The following UBP1 variants were observed in gnomAD, a reference collection of about 807,000 sequenced individuals.
The protein encoded by UBP1 is upstream-binding protein 1.
Under a neutral mutation model 76.1 loss-of-function variants are expected in UBP1, and 22 were observed. The ratio of observed to expected loss-of-function variants is 0.29; its 90% CI spans 0.21 to 0.41. UBP1 has a LOEUF of 0.41. UBP1 is among the 10% of genes least tolerant of loss of function. The pLI, the probability that UBP1 is intolerant of heterozygous loss-of-function variation, is 1.00. For missense variants in UBP1, 436 were observed against 668.1 expected, an observed-to-expected ratio of 0.65 and a Z score of 3.83; for synonymous variants, 224 against 237.1, an observed-to-expected ratio of 0.94 and a Z score of 0.51.
rs548267046 is a variant in UBP1, at chr3:33,418,150, C to T, written c.266-1316G>A. Among the ~76,000 whole-genome samples, 10 of 152,192 alleles carry T rather than the reference C, an allele frequency of 6.6e-5. No individual in the cohort carries two copies. In the South Asian group the frequency reaches 1.7e-3, roughly 25 times the overall value. On this transcript the variant is annotated intron_variant, in intron 2 of 15. Coordinates refer to ENST00000283629, the MANE Select transcript of UBP1 (RefSeq NM_014517.5). ...GAAGAATATAAAGTTTTGAAAAATA[C>T]ACCATTTATGTTTAAAATTACACTC... is the stretch of plus-strand genomic sequence containing the variant.
intron 5 of UBP1, among the ~76,000 whole-genome samples, chr3:33,411,017 G>A (rs1175748238): frequency 6.6e-6 from 1 of 150,492 alleles, no homozygotes; most frequent in African/African-American, 2.5e-5. Context: ...AGATTGCAGT[G>A]AGCCGAGATC....
At chr3:33,395,808 TAAGCTGCCA>T (rs2043967977) in intron 13 of UBP1, among the ~76,000 whole-genome samples, 1 of 146,214 alleles carries the variant, frequency 6.8e-6, no homozygotes, top group Non-Finnish European at 1.5e-5. Flanking sequence ...GCTTTTTTGT[TAAGCTGCCA>T]GTGTTATATT....
At chr3:33,392,692 A>G (rs2043816244) in intron 14 of UBP1, 78 bp from the exon 15 acceptor site, 1 of 1,368,000 alleles carries the variant, frequency 7.3e-7, no homozygotes, top group Non-Finnish European at 1.0e-6. Context: ...AACAGTAAAT[A>G]TTCTTCTCAA....
Position 33,440,130 on chromosome 3 carries a change from G to A in UBP1, c.-282C>T, listed in dbSNP as rs1203395228. ...GCCGGCGCCGCCGCCCAGCCCCCGC[G>A]CCGCTAGCGCTGCAGCCGCCGCCGA... is the stretch of plus-strand genomic sequence containing the variant. On this transcript the variant is annotated 5_prime_UTR_variant, in exon 1 of 16. Coordinates refer to ENST00000283629, the MANE Select transcript of UBP1 (RefSeq NM_014517.5). 4 of 229,044 alleles carry A rather than the reference G, an allele frequency of 1.7e-5. No individual in the cohort carries two copies. The highest frequency in any genetic ancestry group is 3.4e-5 in the Non-Finnish European group (4 of 118,968). The allele number at this position is 229,044 out of a possible 1,614,324, so 14.2% of individuals were successfully genotyped here.
chr3:33,404,160 C>A (rs2044349732), intron 8 of UBP1, among the ~76,000 whole-genome samples: 1 of 152,106 alleles, frequency 6.6e-6, no homozygotes, highest in South Asian at 2.1e-4. Flanking sequence ...CGCCTGTAAT[C>A]CCAGCACTCT....
At position 33,431,559 on chromosome 3, in the gene UBP1, AAC is replaced by A. The variant is rs1423602022; in HGVS notation, c.114-5820_114-5819del. ...AAGACCAGCCTATCCAATATGGTGAAACCCTGTCTCTACTAAAAAACTACAAA... is the reference window on the plus strand; with the variant it reads ...AAGACCAGCCTATCCAATATGGTGAACCTGTCTCTACTAAAAAACTACAAA... On this transcript the variant is annotated intron_variant, in intron 1 of 15. Transcript: ENST00000283629. Among the ~76,000 whole-genome samples the A allele has an allele frequency of 3.9e-5, 6 of 152,136 alleles. 1 individual carries two copies. The highest frequency in any genetic ancestry group is 1.4e-4 in the African/African-American group (6 of 41,506).
intron 13 of UBP1, among the ~76,000 whole-genome samples, chr3:33,394,225 T>TTATTAC (rs1216478597): frequency 6.9e-6 from 1 of 144,802 alleles, no homozygotes; most frequent in Admixed American, 7.1e-5. Context: ...ATTATTATTA[T>TTATTAC]TTGTAGAGAC....
Position 33,416,824 on chromosome 3 carries a change from A to G in UBP1, c.276T>C (p.Tyr92=), listed in dbSNP as rs377750617. The change falls in exon 3 of 16, where the codon TAT becomes TAC. Residue 92 remains tyrosine (Y), a synonymous_variant. Coordinates refer to ENST00000283629, the MANE Select transcript of UBP1 (RefSeq NM_014517.5). ...TCCGATTATCCAGCATCCGAATTTC[A>G]TATGACTGACCTATTTAAAGAAATT... ...TLTYLNQGQS[Y]EIRMLDNRKM... is the part of the protein sequence containing the mutation. 3.7e-6 allele frequency: 6 copies of G among 1,613,414 alleles called. No individual in the cohort carries two copies. The highest frequency in any genetic ancestry group is 1.7e-4 in the Middle Eastern group (1 of 6,054).
intron 13 of UBP1, among the ~76,000 whole-genome samples, chr3:33,395,767 A>AG (rs2043961302): frequency 7.1e-6 from 1 of 141,686 alleles, no homozygotes; most frequent in Non-Finnish European, 1.5e-5. Context: ...AAAAAAAAAA[A>AG]AAAAAAGAAA....
chr3:33,404,794 A>C (rs9811050), intron 8 of UBP1, among the ~76,000 whole-genome samples: 177 of 152,342 alleles, frequency 1.2e-3, no homozygotes, highest in African/African-American at 4.2e-3. Flanking sequence ...TAGATCACAT[A>C]AAAATGTCCC....
chr3:33,399,443 T>C (rs920051381), intron 11 of UBP1, among the ~76,000 whole-genome samples: 1 of 152,178 alleles, frequency 6.6e-6, no homozygotes, highest in Non-Finnish European at 1.5e-5. Context: ...AAAACTGTAA[T>C]TGAGTACACT....
At chr3:33,426,316 C>T (rs979901234) in intron 1 of UBP1, among the ~76,000 whole-genome samples, 3 of 152,022 alleles carry the variant, frequency 2.0e-5, no homozygotes, top group African/African-American at 7.2e-5. Flanking sequence ...GGAGCAGCAG[C>T]AGTCGCAGCA....
At chr3:33,404,632 G>C (rs1277246288) in intron 8 of UBP1, among the ~76,000 whole-genome samples, 3 of 152,102 alleles carry the variant, frequency 2.0e-5, no homozygotes, top group Non-Finnish European at 4.4e-5. Flanking sequence ...GGGTAACAGA[G>C]TGAGACCCCC....
chr3:33,438,327 T>TAA (rs2045233746), intron 1 of UBP1, among the ~76,000 whole-genome samples: 1 of 152,200 alleles, frequency 6.6e-6, no homozygotes, highest in African/African-American at 2.4e-5. Context: ...GAGAGACACA[T>TAA]ATTGAACTTG....
At chr3:33,422,545 C>G (rs1237951898) in intron 2 of UBP1, among the ~76,000 whole-genome samples, 4 of 151,924 alleles carry the variant, frequency 2.6e-5, no homozygotes, top group African/African-American at 9.7e-5. Flanking sequence ...ATAGTGAGAT[C>G]CGCCATCTCT....
chr3:33,411,372 A>G (rs1052429320), intron 5 of UBP1, among the ~76,000 whole-genome samples: 1 of 152,242 alleles, frequency 6.6e-6, no homozygotes, highest in Non-Finnish European at 1.5e-5. Context: ...ACATTTGAAT[A>G]ATGCTTTACA....
At chr3:33,401,075 C>CA in intron 9 of UBP1, 59 bp from the exon 10 acceptor site, 1 of 1,461,530 alleles carries the variant, frequency 6.8e-7, no homozygotes, top group Non-Finnish European at 9.3e-7. Flanking sequence ...ATGTTTTAAT[C>CA]AAGGCATTAA....
intron 8 of UBP1, among the ~76,000 whole-genome samples, chr3:33,405,834 A>G (rs1460896344): frequency 6.6e-6 from 1 of 152,320 alleles, no homozygotes; most frequent in South Asian, 2.1e-4. Flanking sequence ...GAAACTGTGA[A>G]GCACACTGAG....
intron 2 of UBP1, among the ~76,000 whole-genome samples, chr3:33,418,574 T>C (rs72852095): frequency 0.11 from 16,019 of 151,694 alleles, 929 homozygotes; most frequent in Admixed American, 0.16. Context: ...AAGTATTTAA[T>C]TAGGCTGCGC....
Sources: gnomAD v4.1 joint callset for allele counts (sites outside exome capture counted in the v4.1 genomes callset) on GRCh38, gnomAD v4.1.1 for gene constraint, MANE v1.5 for transcripts, NCBI Gene and HGNC (gene_info 2026-07-23, HGNC 2026-07-21) for gene names.